FBXO34: variants seen among roughly 807,000 people sequenced by gnomAD.
FBXO34 encodes F-box protein 34, also known as F-box only protein 34.
Under a neutral mutation model 24.5 loss-of-function variants are expected in FBXO34, and 12 were observed. That is an observed-to-expected ratio of 0.49 (90% CI 0.31 to 0.79). The LOEUF (loss-of-function observed/expected upper bound fraction) is 0.79, where lower values mean the gene tolerates loss of function less well. FBXO34 is among the 30% of genes least tolerant of loss of function. The pLI, the probability that FBXO34 is intolerant of heterozygous loss-of-function variation, is 0.04. For missense variants in FBXO34, 823 were observed against 857.7 expected (o/e 0.96, Z 0.51); for synonymous variants, 320 against 311.9 (o/e 1.03, Z -0.27).
rs1167162757 is a variant in FBXO34 at position 55,350,991 on chromosome 14, G to A, written c.601G>A (p.Ala201Thr). The change falls in exon 2 of 2, where the codon GCT becomes ACT. Residue 201 changes from alanine (A) to threonine (T), a missense_variant. Ala to Thr is a moderately conservative substitution (Grantham distance 58). Transcript: ENST00000313833. ...YVSDSGDGVYAGRPLSVIQMV... is the reference protein window; with the variant it reads ...YVSDSGDGVYTGRPLSVIQMV... ...GAGTGACAGTGGGGATGGAGTCTAT[G>A]CTGGGAGGCCTCTGTCAGTTATACA... The A allele has an allele frequency of 8.7e-6, 14 of 1,614,092 alleles. No homozygotes were observed. Among genetic ancestry groups the A allele is most frequent in the African/African-American group, 2.7e-5 (2 of 74,940 alleles).
rs755252782 is a variant in FBXO34 at position 55,351,134 on chromosome 14, G to T, written c.744G>T (p.Val248=). ...FSGQSRGVPA[V]SESYSAPGAC... is the part of the protein sequence containing the mutation. ...GCCAATCCAGAGGTGTGCCTGCAGT[G>T]TCTGAGTCCTATTCTGCCCCAGGAG... Residue 248 remains valine, a synonymous_variant, in exon 2 of 2, where the codon GTG becomes GTT. Coordinates refer to ENST00000313833, the MANE Select transcript of FBXO34 (RefSeq NM_017943.4). The T allele has an allele frequency of 3.1e-6, 5 of 1,614,092 alleles. No individual in the cohort carries two copies. In the African/African-American group the frequency reaches 4.0e-5, roughly 13 times the overall value.
intron 1 of FBXO34, among the ~76,000 whole-genome samples, chr14:55,340,372 G>A (rs1195616382): frequency 2.0e-5 from 3 of 151,546 alleles, no homozygotes; most frequent in African/African-American, 7.3e-5. Context: ...CTCCCAAATA[G>A]GACTACAAAT....
chr14:55,295,426 C>T (rs1038050852), intron 1 of FBXO34, among the ~76,000 whole-genome samples: 8 of 121,792 alleles, frequency 6.6e-5, no homozygotes, highest in South Asian at 2.6e-4. Context: ...CAGAGTCTCT[C>T]GTCTGTTGCC....
At chr14:55,340,271 GTC>G (rs1883947825) in intron 1 of FBXO34, among the ~76,000 whole-genome samples, 1 of 152,082 alleles carries the variant, frequency 6.6e-6, no homozygotes, top group African/African-American at 2.4e-5. Flanking sequence ...TTGAGACCAG[GTC>G]TCTCTGTTTC....
chr14:55,280,337 C>G (rs1204770027), intron 1 of FBXO34, among the ~76,000 whole-genome samples: 1 of 151,874 alleles, frequency 6.6e-6, no homozygotes, highest in African/African-American at 2.4e-5. Flanking sequence ...TGGAAAATAC[C>G]TGAGGAAAAA....
At chr14:55,339,595 C>T (rs1464539537) in intron 1 of FBXO34, 1 of 152,180 alleles carries the variant, frequency 6.6e-6, no homozygotes, top group African/African-American at 2.4e-5. Context: ...AAGACAAATA[C>T]ACCAGATAAC....
the FBXO34 span, among the ~76,000 whole-genome samples, chr14:55,399,715 AAAT>A: frequency 1.3e-5 from 2 of 152,348 alleles, no homozygotes; most frequent in South Asian, 4.1e-4. Flanking sequence ...GATAATTAGA[AAAT>A]AATAAACTCA....
the FBXO34 span, among the ~76,000 whole-genome samples, chr14:55,433,309 C>CTT: frequency 0.079 from 9,387 of 119,496 alleles, 1,085 homozygotes; most frequent in African/African-American, 0.26. Context: ...TTAGATTTCT[C>CTT]TTTTTTTTTT....
At chr14:55,382,700 A>C in the FBXO34 span, among the ~76,000 whole-genome samples, 2 of 152,200 alleles carry the variant, frequency 1.3e-5, no homozygotes, top group Non-Finnish European at 2.9e-5. Flanking sequence ...TCAGAGAGGA[A>C]GATCAAACCA....
At chr14:55,365,092 G>T (rs1884650994), downstream of FBXO34, among the ~76,000 whole-genome samples, 1 of 150,100 alleles carries the variant, frequency 6.7e-6, no homozygotes, top group Non-Finnish European at 1.5e-5. Flanking sequence ...AGGTGTGGTG[G>T]CAGACACCTG....
chr14:55,332,716 A>G (rs1234986601), intron 1 of FBXO34, among the ~76,000 whole-genome samples: 1 of 152,146 alleles, frequency 6.6e-6, no homozygotes, highest in Non-Finnish European at 1.5e-5. Context: ...TTGAACTTTT[A>G]GTTTATCAGA....
At chr14:55,439,621 C>A in the FBXO34 span, among the ~76,000 whole-genome samples, 49 of 138,238 alleles carry the variant, frequency 3.5e-4, 4 homozygotes, top group Middle Eastern at 3.7e-3. Flanking sequence ...CAAACCCCCC[C>A]CCGTCTCTAC....
the FBXO34 span, among the ~76,000 whole-genome samples, chr14:55,417,453 T>TA: frequency 5.1e-3 from 463 of 91,342 alleles, 6 homozygotes; most frequent in Middle Eastern, 0.016. Context: ...ACCCTTGCCT[T>TA]AAAAAAAAAA....
At chr14:55,362,861 G>GT (rs1884611224), downstream of FBXO34, among the ~76,000 whole-genome samples, 1 of 151,858 alleles carries the variant, frequency 6.6e-6, no homozygotes, top group Non-Finnish European at 1.5e-5. Flanking sequence ...AGGGAAATAA[G>GT]CTGCTGGAAA....
chr14:55,397,428 G>A, the FBXO34 span: 75,158 of 1,606,084 alleles, frequency 0.047, 2,099 homozygotes, highest in Middle Eastern at 0.08. Flanking sequence ...CCTTCTTGTC[G>A]ATAAACCTGT....
the FBXO34 span, among the ~76,000 whole-genome samples, chr14:55,377,300 T>C: frequency 2.0e-5 from 3 of 151,926 alleles, no homozygotes; most frequent in Non-Finnish European, 4.4e-5. Flanking sequence ...TGAGCTGAGA[T>C]TGCACCACTG....
In FBXO34 at chr14:55,283,970, G is replaced by C. The variant is rs923077441; in HGVS notation, c.-11+12433G>C. 1.9e-3 allele frequency among the ~76,000 whole-genome samples: 293 copies of C among 151,374 alleles called. 2 individuals carry two copies. The highest frequency in any genetic ancestry group is 6.5e-3 in the African/African-American group (267 of 41,018). On this transcript the variant is annotated intron_variant, in intron 1 of 1. Coordinates refer to ENST00000313833, the MANE Select transcript of FBXO34 (RefSeq NM_017943.4). Reference sequence around the variant, plus strand: ...TGTGTGTGTGTGTGTGTGTGTGTGTGTGTGTCTGTGTGTGTGTGTATGTGT... The same window carrying C: ...TGTGTGTGTGTGTGTGTGTGTGTGTCTGTGTCTGTGTGTGTGTGTATGTGT...
intron 1 of FBXO34, among the ~76,000 whole-genome samples, chr14:55,323,184 CAAAAAAA>C (rs368380622): frequency 0.022 from 271 of 12,138 alleles, 64 homozygotes; most frequent in Middle Eastern, 0.062. Flanking sequence ...GACTCTGTCT[CAAAAAAA>C]AAAAAAAAAA....
chr14:55,432,246 A>T, the FBXO34 span, among the ~76,000 whole-genome samples: 2 of 13,224 alleles, frequency 1.5e-4, no homozygotes, highest in African/African-American at 7.4e-4. Flanking sequence ...CCGTCTCTAC[A>T]AAAAAAAAAA....
Sources: allele counts gnomAD v4.1 joint callset (sites outside exome capture counted in the v4.1 genomes callset), GRCh38; gene constraint gnomAD v4.1.1; transcripts MANE v1.5; gene names NCBI Gene and HGNC (gene_info 2026-07-23, HGNC 2026-07-21).